SLC35F2: variants seen among roughly 807,000 people sequenced by gnomAD.
SLC35F2 encodes the protein queuine/queuosine transporter SLC35F2.
SLC35F2 carries 25 observed loss-of-function variants against 38.1 expected under a neutral mutation model. The ratio of observed to expected loss-of-function variants is 0.66; its 90% CI spans 0.48 to 0.92. The LOEUF (loss-of-function observed/expected upper bound fraction) is 0.92. Among genes scored for constraint, SLC35F2 ranks in the 40% least tolerant of loss-of-function variants. The pLI is 0.00. For missense variants in SLC35F2, 409 were observed against 452.9 expected, an observed-to-expected ratio of 0.90 and a Z score of 0.88; for synonymous variants, 173 against 181.7, an observed-to-expected ratio of 0.95 and a Z score of 0.38.
intron 1 of SLC35F2, among the ~76,000 whole-genome samples, chr11:107,845,938 C>T (rs1263900178): frequency 1.4e-5 from 2 of 147,638 alleles, no homozygotes; most frequent in Non-Finnish European, 3.0e-5. Context: ...GGGCGACAGA[C>T]TGAGATTCTG....
chr11:107,817,139 G>T (rs1402255225), intron 1 of SLC35F2, among the ~76,000 whole-genome samples: 18 of 152,050 alleles, frequency 1.2e-4, no homozygotes, highest in Non-Finnish European at 7.4e-5. Context: ...AGCGGGGTGT[G>T]GTGGCAGGCG....
At chr11:107,814,727 C>T (rs1416971633) in intron 2 of SLC35F2, among the ~76,000 whole-genome samples, 1 of 152,090 alleles carries the variant, frequency 6.6e-6, no homozygotes, top group Non-Finnish European at 1.5e-5. Flanking sequence ...CTTTGGGAAG[C>T]CAAGGTGGGA....
At chr11:107,819,611 T>C (rs1395120196) in intron 1 of SLC35F2, among the ~76,000 whole-genome samples, 1 of 152,162 alleles carries the variant, frequency 6.6e-6, no homozygotes, top group South Asian at 2.1e-4. Context: ...CACCACTTAG[T>C]CCGGTATAGT....
At chr11:107,807,459 A>G (rs1038879844) in intron 3 of SLC35F2, among the ~76,000 whole-genome samples, 1 of 151,990 alleles carries the variant, frequency 6.6e-6, no homozygotes, top group Non-Finnish European at 1.5e-5. Context: ...AAAATAAATG[A>G]ATAGATAATA....
intron 7 of SLC35F2, among the ~76,000 whole-genome samples, chr11:107,798,874 G>A (rs1350988043): frequency 6.6e-6 from 1 of 152,166 alleles, no homozygotes; most frequent in Non-Finnish European, 1.5e-5. Flanking sequence ...TCAGGAGTTC[G>A]AGACCAGCCT....
chr11:107,841,173 A>C (rs1860007638), intron 1 of SLC35F2, among the ~76,000 whole-genome samples: 1 of 152,182 alleles, frequency 6.6e-6, no homozygotes, highest in African/African-American at 2.4e-5. Context: ...GGATCTTTAA[A>C]TCCGTTAAGT....
intron 1 of SLC35F2, among the ~76,000 whole-genome samples, chr11:107,831,632 TC>T (rs1179514372): frequency 7.2e-5 from 11 of 152,236 alleles, no homozygotes; most frequent in Non-Finnish European, 1.6e-4. Context: ...GCAACATTAA[TC>T]CTATATTTCC....
intron 7 of SLC35F2, among the ~76,000 whole-genome samples, chr11:107,802,454 G>A (rs985928720): frequency 2.0e-5 from 3 of 152,122 alleles, no homozygotes; most frequent in Non-Finnish European, 2.9e-5. Flanking sequence ...AGCAGGTTAC[G>A]CTTGTAAATG....
At chr11:107,811,572 G>A in intron 3 of SLC35F2, 95 bp downstream of exon 3, 2 of 1,207,718 alleles carry the variant, frequency 1.7e-6, no homozygotes, top group Non-Finnish European at 1.2e-6. Flanking sequence ...TTCTTCAAGT[G>A]AATAGATTTT....
At chr11:107,802,817 T>C (rs7125153) in intron 7 of SLC35F2, among the ~76,000 whole-genome samples, 184 bp downstream of exon 7, 22,846 of 152,106 alleles carry the variant, frequency 0.15, 2,765 homozygotes, top group East Asian at 0.42. Flanking sequence ...AGAAAAACCC[T>C]AGAAGGACAA....
In SLC35F2 at chr11:107,843,869, ATATATATATATATATATATAT is replaced by A. The variant is rs1304154228; in HGVS notation, c.110+14768_110+14788del. 4.8e-4 allele frequency among the ~76,000 whole-genome samples: 18 copies of A among 37,656 alleles called. 1 individual carries two copies. Among genetic ancestry groups the A allele is most frequent in the South Asian group, 3.5e-3 (4 of 1,150 alleles). 24.7% of individuals were successfully genotyped at this position (37,656 alleles called of 152,430 possible). ...CTTAAAAAAAAAAAAAAAAAAAAAA[ATATATATATATATATATATAT>A]ATATATATATATATATATGTATATT... On this transcript the variant is annotated intron_variant, in intron 1 of 7. Coordinates refer to ENST00000525815, the MANE Select transcript of SLC35F2 (RefSeq NM_017515.5).
Position 107,792,398 on chromosome 11 carries a change from C to T in SLC35F2, c.*217G>A. 1.9e-6 allele frequency: 1 copy of T among 515,860 alleles called. No individual in the cohort carries two copies. Among genetic ancestry groups the T allele is most frequent in the Non-Finnish European group, 3.3e-6 (1 of 300,760 alleles). 32.0% of individuals were successfully genotyped at this position (515,860 alleles called of 1,614,324 possible). A position where few individuals can be genotyped will look rare whatever the true frequency, so the allele number is the denominator to read the frequency against. ...TCCTCAACACGAACAGATATTGGTC[C>T]TCAAACACAGAAACACACTCTTAGC... is the stretch of plus-strand genomic sequence containing the variant. On this transcript the variant is annotated 3_prime_UTR_variant, in exon 8 of 8. Coordinates refer to ENST00000525815, the MANE Select transcript of SLC35F2 (RefSeq NM_017515.5).
chr11:107,792,492 C>T lies in SLC35F2; in HGVS notation c.*123G>A. The T allele has an allele frequency of 8.7e-7, 1 of 1,152,044 alleles. No homozygotes were observed. Among genetic ancestry groups the T allele is most frequent in the Non-Finnish European group, 1.2e-6 (1 of 846,806 alleles). The allele number at this position is 1,152,044 out of a possible 1,614,324, so 71.4% of individuals were successfully genotyped here. On this transcript the variant is annotated 3_prime_UTR_variant, in exon 8 of 8. Coordinates refer to ENST00000525815, the MANE Select transcript of SLC35F2 (RefSeq NM_017515.5). ...TCAGTGTTCCTTTCTAAAACCTAAC[C>T]ACTGGATCCAACCCAGGGTTGTAGA...
At chr11:107,850,803 G>C (rs914859704) in intron 1 of SLC35F2, among the ~76,000 whole-genome samples, 2 of 148,992 alleles carry the variant, frequency 1.3e-5, no homozygotes, top group Middle Eastern at 3.5e-3. Context: ...CCTGGAATGA[G>C]ACTCCGTCTC....
chr11:107,852,493 G>A (rs1860202050), intron 1 of SLC35F2, among the ~76,000 whole-genome samples: 1 of 149,882 alleles, frequency 6.7e-6, no homozygotes, highest in African/African-American at 2.5e-5. Flanking sequence ...AGAGGTTGCA[G>A]TCAGCTGAGA....
chr11:107,815,816 T>G lies in SLC35F2; in HGVS notation c.260A>C (p.Tyr87Ser). Residue 87 changes from tyrosine to serine, a missense_variant, in exon 2 of 8, where the codon TAT becomes TCT. Physicochemically the swap from Tyr to Ser is moderately radical, Grantham distance 144. Transcript: ENST00000525815. Reference sequence around the variant, plus strand: ...TGATCGAAATGCCAGCATCACTGTATAAATTAGGAACAGCAAGCAATAATT... The same window carrying G: ...TGATCGAAATGCCAGCATCACTGTAGAAATTAGGAACAGCAAGCAATAATT... ...FINYCLLFLI[Y>S]TVMLAFRSGS... The G allele has an allele frequency of 6.2e-7, 1 of 1,613,100 alleles. No individual in the cohort carries two copies. The highest frequency in any genetic ancestry group is 8.5e-7 in the Non-Finnish European group (1 of 1,179,718).
intron 1 of SLC35F2, among the ~76,000 whole-genome samples, chr11:107,851,671 A>G (rs776603977): frequency 3.3e-5 from 5 of 151,956 alleles, no homozygotes; most frequent in Non-Finnish European, 7.4e-5. Context: ...TTGTGAATCT[A>G]TTGCAAGGTC....
intron 1 of SLC35F2, among the ~76,000 whole-genome samples, chr11:107,844,512 C>A (rs927748257): frequency 7.3e-4 from 91 of 124,900 alleles, no homozygotes; most frequent in African/African-American, 2.5e-3. Flanking sequence ...GTAATCCCAG[C>A]TACTCAGGAG....
chr11:107,841,432 G>A (rs1464824064), intron 1 of SLC35F2, among the ~76,000 whole-genome samples: 3 of 151,812 alleles, frequency 2.0e-5, no homozygotes, highest in Non-Finnish European at 1.5e-5. Context: ...GTGTGGTGGT[G>A]CAGACCTGTA....
Sources: allele counts gnomAD v4.1 joint callset (sites outside exome capture counted in the v4.1 genomes callset), GRCh38; gene constraint gnomAD v4.1.1; transcripts MANE v1.5; gene names NCBI Gene and HGNC (gene_info 2026-07-23, HGNC 2026-07-21).